The following SI variants were observed in gnomAD, a reference collection of about 807,000 sequenced individuals.
SI encodes the protein sucrase-isomaltase, also known as sucrase-isomaltase, intestinal.
Under a neutral mutation model 253.3 loss-of-function variants are expected in SI, and 235 were observed. The observed-to-expected ratio is 0.93, with a 90% CI of 0.83 to 1.03. The LOEUF (loss-of-function observed/expected upper bound fraction) is 1.03, where lower values mean the gene tolerates loss of function less well. Ranked by LOEUF, SI falls within the 50% of genes least tolerant of loss-of-function variation. The pLI, the probability that SI is intolerant of heterozygous loss-of-function variation, is 0.00. For synonymous variants in SI, 819 were observed against 712.0 expected (o/e 1.15, Z -2.39); for missense variants, 2,442 against 2,211.1 (o/e 1.10, Z -2.09).
intron 12 of SI, among the ~76,000 whole-genome samples, chr3:165,058,595 C>T (rs892139579): frequency 6.6e-5 from 10 of 151,826 alleles, no homozygotes; most frequent in African/African-American, 2.4e-4. Context: ...GGAGACATGA[C>T]AACAGATAAC....
chr3:165,068,731 G>A lies in SI; in HGVS notation c.474C>T (p.Phe158=). The change falls in exon 5 of 48, where the codon TTC becomes TTT. Residue 158 remains phenylalanine, a synonymous_variant. Transcript: ENST00000264382. ...ACCTTAAAAACCGAACCTTGAACCG[G>A]AAACGATTGGGTGTCTGATTTTGAG... The part of the protein sequence containing the change: ...FTTQNQTPNR[F]RFKITDPNNR... 1 of 1,612,308 alleles carries A rather than the reference G, an allele frequency of 6.2e-7. No homozygotes were observed.
chr3:164,984,886 A>T (rs1717363104), intron 45 of SI, among the ~76,000 whole-genome samples: 2 of 152,256 alleles, frequency 1.3e-5, no homozygotes, highest in South Asian at 4.1e-4. Context: ...GGAGATTCTG[A>T]TCTAACAAAT....
In SI at chr3:165,030,704, A is replaced by T; in HGVS notation, c.2892+8T>A. ...CATATCATGAGTAATAGTTAAAATT[A>T]TTATTACCGTTCTCCATACACAGCC... is the stretch of plus-strand genomic sequence containing the variant. On this transcript the variant is annotated splice_region_variant and intron_variant, in intron 25 of 47. Transcript: ENST00000264382. 2.5e-6 allele frequency: 4 copies of T among 1,607,356 alleles called. No homozygotes were observed. Among genetic ancestry groups the T allele is most frequent in the Non-Finnish European group, 3.4e-6 (4 of 1,175,710 alleles).
intron 35 of SI, among the ~76,000 whole-genome samples, chr3:165,008,283 A>C (rs1460975858): frequency 6.6e-6 from 1 of 151,924 alleles, no homozygotes; most frequent in Non-Finnish European, 1.5e-5. Context: ...TAGCATTATA[A>C]TAATATGTGC....
At chr3:165,066,333 G>A (rs141116622) in intron 6 of SI, among the ~76,000 whole-genome samples, 11 of 151,950 alleles carry the variant, frequency 7.2e-5, no homozygotes, top group South Asian at 2.1e-4. Context: ...GTCTCCCATG[G>A]ATACTGAGGG....
rs546069418 is a variant in SI, at chr3:165,008,049, A to G, written c.4180-51T>C. 4.1e-5 allele frequency: 40 copies of G among 977,470 alleles called. 1 individual carries two copies. In the South Asian group the frequency reaches 5.0e-4, roughly 12 times the overall value. 60.5% of individuals were successfully genotyped at this position (977,470 alleles called of 1,614,324 possible). A position where few individuals can be genotyped will look rare whatever the true frequency, so the allele number is the denominator to read the frequency against. On this transcript the variant is annotated intron_variant, in intron 35 of 47. Coordinates refer to ENST00000264382, the MANE Select transcript of SI (RefSeq NM_001041.4). The stretch of plus-strand genomic sequence containing the variant: ...TAAACAAAAGATAAATTTACAACAT[A>G]TATTCTCAAAAGAGCTAGTTCAAAA...
intron 44 of SI, among the ~76,000 whole-genome samples, chr3:164,990,368 C>T (rs1241199122): frequency 6.6e-6 from 1 of 151,942 alleles, no homozygotes; most frequent in Non-Finnish European, 1.5e-5. Context: ...AAATATAAGA[C>T]ATTAAGTTGT....
At chr3:165,019,842 A>T (rs1719223379) in intron 27 of SI, 72 bp from the exon 28 acceptor site, 1 of 1,293,792 alleles carries the variant, frequency 7.7e-7, no homozygotes, top group Non-Finnish European at 1.1e-6. Flanking sequence ...AATAACGGTA[A>T]TTCTTTCTTA....
chr3:165,000,524 G>A (rs909855109), intron 37 of SI, among the ~76,000 whole-genome samples: 20 of 151,316 alleles, frequency 1.3e-4, no homozygotes, highest in Non-Finnish European at 1.2e-4. Context: ...ACTGTATAAT[G>A]TATGAAAACA....
rs748000607 is a variant in SI at position 165,060,024 on chromosome 3, C to A, written c.1024G>T (p.Val342Phe). The change falls in exon 10 of 48, where the codon GTT becomes TTT. Residue 342 changes from valine (V) to phenylalanine (F), a missense_variant. Physicochemically the swap from Val to Phe is conservative, Grantham distance 50. Transcript: ENST00000264382. ...EQVVQQYQQL[V>F]GLPAMPAYWN... is the part of the protein sequence containing the mutation. Reference sequence around the variant, plus strand: ...TATGCTGGCATTGCTGGTAGTCCAACAAGCTTAAAGTAAATGAGCATGTAA... The same window carrying A: ...TATGCTGGCATTGCTGGTAGTCCAAAAAGCTTAAAGTAAATGAGCATGTAA... The A allele has an allele frequency of 1.4e-5, 23 of 1,611,236 alleles. No individual in the cohort carries two copies. Among genetic ancestry groups the A allele is most frequent in the Non-Finnish European group, 1.9e-5 (22 of 1,178,268 alleles).
intron 24 of SI, among the ~76,000 whole-genome samples, chr3:165,031,731 TATAA>T (rs1295702908): frequency 6.6e-5 from 10 of 150,892 alleles, no homozygotes; most frequent in African/African-American, 2.4e-4. Flanking sequence ...TTTAGTATTA[TATAA>T]ATGGAGAAAA....
intron 27 of SI, among the ~76,000 whole-genome samples, chr3:165,020,734 GACT>G (rs1387615594): frequency 6.6e-6 from 1 of 151,130 alleles, no homozygotes; most frequent in Non-Finnish European, 1.5e-5. Context: ...ATAAAATAAA[GACT>G]ACAATTTTAA....
At chr3:165,058,902 A>ACG in intron 12 of SI, 61 bp downstream of exon 12, 1 of 1,392,208 alleles carries the variant, frequency 7.2e-7, no homozygotes, top group African/African-American at 1.4e-5. Context: ...ATCCACAGAA[A>ACG]CTTTATTATT....
At chr3:165,023,797 C>T in intron 25 of SI, 21 bp from the exon 26 acceptor site, 1 of 1,537,002 alleles carries the variant, frequency 6.5e-7, no homozygotes, top group Non-Finnish European at 9.0e-7. Context: ...AATGCATGTT[C>T]ATTGCCAGAA....
chr3:165,032,406 G>A lies in SI; in HGVS notation c.2736+116C>T, dbSNP rs878953786. 13 of 634,394 alleles carry A rather than the reference G, an allele frequency of 2.0e-5. No homozygotes were observed. The South Asian group carries it at 2.4e-4, about 12-fold the overall frequency. The allele number at this position is 634,394 out of a possible 1,614,324, so 39.3% of individuals were successfully genotyped here. On this transcript the variant is annotated intron_variant, in intron 24 of 47. Coordinates refer to ENST00000264382, the MANE Select transcript of SI (RefSeq NM_001041.4). ...AAAATGAAGGGAAGAAGGAAGCAAC[G>A]AAGGGAAGAAAGGAATACACACTGT...
chr3:165,036,446 A>C lies in SI; in HGVS notation c.2458T>G (p.Leu820Val), dbSNP rs1477826061. 1 of 1,611,314 alleles carries C rather than the reference A, an allele frequency of 6.2e-7. No homozygotes were observed. Among genetic ancestry groups the C allele is most frequent in the Admixed American group, 1.7e-5 (1 of 59,750 alleles). ...RKNPLGLIVA[L>V]GENNTAKGDF... ...CCTTTGGCTGTGTTGTTTTCACCTA[A>C]TGCGACTATAAGTCCTAGAGGATTC... The change falls in exon 22 of 48, where the codon TTA (leucine) becomes GTA (valine). Residue 820 changes from leucine (L) to valine (V), a missense_variant. By Grantham distance (32) the Leu-to-Val change is conservative. Coordinates refer to ENST00000264382, the MANE Select transcript of SI (RefSeq NM_001041.4).
rs540123854 is a variant in SI, at chr3:165,048,853, G to C, written c.1715+274C>G. On this transcript the variant is annotated intron_variant, in intron 15 of 47. Transcript: ENST00000264382. ...GCTGGTCTCAGACTCCTGACTTCAGGTGTTGTGCCTGCCTCGGCCTCCCAA... is the reference window on the plus strand; with the variant it reads ...GCTGGTCTCAGACTCCTGACTTCAGCTGTTGTGCCTGCCTCGGCCTCCCAA... Among the ~76,000 whole-genome samples, 10 of 152,080 alleles carry C rather than the reference G, an allele frequency of 6.6e-5. No homozygotes were observed. The South Asian group carries it at 2.1e-3, about 32-fold the overall frequency.
At chr3:165,026,917 AG>A (rs1237955294) in intron 25 of SI, among the ~76,000 whole-genome samples, 1 of 151,510 alleles carries the variant, frequency 6.6e-6, no homozygotes, top group Non-Finnish European at 1.5e-5. Flanking sequence ...AAGGAACTAG[AG>A]AAACAAGAAC....
chr3:165,028,540 T>A (rs1308331237), intron 25 of SI, among the ~76,000 whole-genome samples: 1 of 151,524 alleles, frequency 6.6e-6, no homozygotes, highest in Admixed American at 6.6e-5. Context: ...TTTCAAACTA[T>A]ACTATAAAGC....
Sources: allele counts gnomAD v4.1 joint callset (sites outside exome capture counted in the v4.1 genomes callset), GRCh38; gene constraint gnomAD v4.1.1; transcripts MANE v1.5; gene names NCBI Gene and HGNC (gene_info 2026-07-23, HGNC 2026-07-21).